The following TAFA2 variants were observed in gnomAD, a reference collection of about 807,000 sequenced individuals.
TAFA2 encodes TAFA chemokine like family member 2, also known as chemokine-like protein TAFA-2.
Under a neutral mutation model 18.8 loss-of-function variants are expected in TAFA2, and 7 were observed. That is an observed-to-expected ratio of 0.37 (90% CI 0.21 to 0.70). TAFA2 has a LOEUF of 0.70. Among genes scored for constraint, TAFA2 ranks in the 30% least tolerant of loss-of-function variants. The pLI, the probability that TAFA2 is intolerant of heterozygous loss-of-function variation, is 0.53. For synonymous variants in TAFA2, 60 were observed against 54.2 expected (o/e 1.11, Z -0.47); for missense variants, 122 against 158.1 (o/e 0.77, Z 1.23).
chr12:61,841,848 TA>T (rs1361261692), intron 2 of TAFA2, among the ~76,000 whole-genome samples: 2 of 152,082 alleles, frequency 1.3e-5, no homozygotes, highest in Admixed American at 6.6e-5. Context: ...TTGTATCACA[TA>T]AATATGTACA....
intron 1 of TAFA2, among the ~76,000 whole-genome samples, chr12:61,905,015 A>G (rs1876282977): frequency 6.6e-6 from 1 of 152,170 alleles, no homozygotes. Flanking sequence ...GTCAGAGGAA[A>G]GCTTACCTTC....
At chr12:62,032,572 T>C (rs774059281) in intron 1 of TAFA2, among the ~76,000 whole-genome samples, 9 of 152,192 alleles carry the variant, frequency 5.9e-5, no homozygotes, top group Non-Finnish European at 1.2e-4. Context: ...ATGAAAAGCA[T>C]TGGTAATCAT....
chr12:62,054,907 T>C (rs548749524), intron 1 of TAFA2, among the ~76,000 whole-genome samples: 2 of 152,332 alleles, frequency 1.3e-5, no homozygotes, highest in Admixed American at 6.5e-5. Flanking sequence ...ATCTTCTAAA[T>C]AAGATTAAAG....
At chr12:61,755,744 T>C (rs1433170462) in intron 2 of TAFA2, among the ~76,000 whole-genome samples, 1 of 152,022 alleles carries the variant, frequency 6.6e-6, no homozygotes, top group Non-Finnish European at 1.5e-5. Context: ...CCATATTCAT[T>C]TTGTCAACCT....
intron 1 of TAFA2, among the ~76,000 whole-genome samples, chr12:61,912,776 G>A (rs1235427394): frequency 6.6e-6 from 1 of 152,110 alleles, no homozygotes; most frequent in Non-Finnish European, 1.5e-5. Flanking sequence ...GAACAACTGT[G>A]ATAAAACACA....
At chr12:61,935,648 C>G (rs1359742949) in intron 1 of TAFA2, among the ~76,000 whole-genome samples, 1 of 152,024 alleles carries the variant, frequency 6.6e-6, no homozygotes, top group Non-Finnish European at 1.5e-5. Context: ...GTGAATATTT[C>G]TCATTTTTTG....
intron 1 of TAFA2, among the ~76,000 whole-genome samples, chr12:61,971,463 C>T (rs35959424): frequency 0.075 from 11,086 of 147,980 alleles, 584 homozygotes; most frequent in East Asian, 0.23. Context: ...GTTGTGCACA[C>T]GTACCCTAAA....
intron 1 of TAFA2, among the ~76,000 whole-genome samples, chr12:62,119,063 T>G (rs1870085186): frequency 6.6e-6 from 1 of 152,168 alleles, no homozygotes; most frequent in African/African-American, 2.4e-5. Context: ...TGTTTAAAGA[T>G]TTGCTTTTGA....
chr12:62,180,752 T>C lies in TAFA2; in HGVS notation c.-2+10507A>G, dbSNP rs1001318728. 3.9e-5 allele frequency among the ~76,000 whole-genome samples: 6 copies of C among 152,130 alleles called. No homozygotes were observed. In the East Asian group the frequency reaches 5.8e-4, roughly 15 times the overall value. On this transcript the variant is annotated intron_variant, in intron 1 of 4. Transcript: ENST00000416284. The stretch of plus-strand genomic sequence containing the variant: ...GAATAGCCAAAAAAATTTAGTATCA[T>C]TGAAGCCAAGAACAATGGTATCATG...
chr12:62,055,634 T>C (rs1446237260), intron 1 of TAFA2, among the ~76,000 whole-genome samples: 1 of 152,176 alleles, frequency 6.6e-6, no homozygotes, highest in Admixed American at 6.5e-5. Flanking sequence ...TCAACAGTCA[T>C]CTAAAAAGAT....
At chr12:61,794,094 A>C (rs1871095611) in intron 2 of TAFA2, among the ~76,000 whole-genome samples, 1 of 151,958 alleles carries the variant, frequency 6.6e-6, no homozygotes, top group South Asian at 2.1e-4. Flanking sequence ...TACAACTATC[A>C]TACATAATCC....
At chr12:62,017,744 T>C (rs1243910789) in intron 1 of TAFA2, among the ~76,000 whole-genome samples, 1 of 152,152 alleles carries the variant, frequency 6.6e-6, no homozygotes, top group Non-Finnish European at 1.5e-5. Flanking sequence ...TAGCATATAT[T>C]TTTATAAACA....
intron 1 of TAFA2, among the ~76,000 whole-genome samples, chr12:62,061,921 G>A (rs180887246): frequency 1.2e-4 from 19 of 152,188 alleles, no homozygotes; most frequent in East Asian, 9.7e-4. Context: ...TTGTAAGAGC[G>A]GAGAAGACGC....
chr12:61,915,176 T>A (rs1876771523), intron 1 of TAFA2, among the ~76,000 whole-genome samples: 1 of 152,096 alleles, frequency 6.6e-6, no homozygotes, highest in Non-Finnish European at 1.5e-5. Flanking sequence ...AAAAATTAAA[T>A]AAAAGGAAAG....
intron 2 of TAFA2, 55 bp from the exon 3 acceptor site, chr12:61,755,079 C>G: frequency 1.3e-6 from 2 of 1,573,478 alleles, no homozygotes; most frequent in East Asian, 2.3e-5. Context: ...CACTTCCCCC[C>G]ACCCTTCTTT....
chr12:61,799,440 G>A (rs1056305600), intron 2 of TAFA2, among the ~76,000 whole-genome samples: 8 of 152,092 alleles, frequency 5.3e-5, no homozygotes, highest in African/African-American at 1.9e-4. Flanking sequence ...AAAGGGCAAA[G>A]AACAAATCCC....
intron 1 of TAFA2, among the ~76,000 whole-genome samples, chr12:62,126,152 C>T (rs928841536): frequency 6.6e-6 from 1 of 151,930 alleles, no homozygotes; most frequent in African/African-American, 2.4e-5. Flanking sequence ...TTTATTAATT[C>T]ATTGATTTTA....
chr12:62,194,952 T>C (rs2062642954), upstream of TAFA2, among the ~76,000 whole-genome samples: 2 of 152,184 alleles, frequency 1.3e-5, 1 homozygote, highest in South Asian at 4.1e-4. Context: ...GGTTTAATGC[T>C]TTTTTTAAAA....
chr12:62,249,583 T>C (rs1422570732), intron 1 of TAFA2, among the ~76,000 whole-genome samples: 1 of 152,194 alleles, frequency 6.6e-6, no homozygotes, highest in Non-Finnish European at 1.5e-5. Context: ...TCTTCCTCTT[T>C]GCCTGAGATT....
Sources: allele counts gnomAD v4.1 joint callset (sites outside exome capture counted in the v4.1 genomes callset), GRCh38; gene constraint gnomAD v4.1.1; transcripts MANE v1.5; gene names NCBI Gene and HGNC (gene_info 2026-07-23, HGNC 2026-07-21).